The following DNMT3A variants were observed in gnomAD, a reference collection of about 807,000 sequenced individuals.
DNMT3A encodes the protein DNA methyltransferase 3 alpha.
A neutral mutation model predicts 117.6 loss-of-function variants in DNMT3A; 267 were observed. The ratio of observed to expected loss-of-function variants is 2.27; its 90% CI spans 2.05 to 2.51. The LOEUF is 2.51. DNMT3A is among the 30% of genes most tolerant of loss of function. The pLI is 0.00. For missense variants in DNMT3A, 1,029 were observed against 1,260.2 expected, an observed-to-expected ratio of 0.82 and a Z score of 2.78; for synonymous variants, 432 against 474.8, an observed-to-expected ratio of 0.91 and a Z score of 1.17.
At chr2:25,260,989 ACT>A (rs568582908) in intron 6 of DNMT3A, among the ~76,000 whole-genome samples, 28 of 151,748 alleles carry the variant, frequency 1.8e-4, no homozygotes, top group African/African-American at 2.4e-4. Flanking sequence ...ACAGAGCAAG[ACT>A]CTGTCTCAAA....
chr2:25,333,328 CTTT>C (rs1227757033), intron 1 of DNMT3A, among the ~76,000 whole-genome samples: 5 of 142,712 alleles, frequency 3.5e-5, no homozygotes, highest in Non-Finnish European at 6.2e-5. Flanking sequence ...ACTTGCAGGT[CTTT>C]TTTTTTTTTT....
At chr2:25,270,814 C>CT (rs2030816766) in intron 6 of DNMT3A, among the ~76,000 whole-genome samples, 1 of 152,146 alleles carries the variant, frequency 6.6e-6, no homozygotes, top group Non-Finnish European at 1.5e-5. Context: ...CAAAATGAGA[C>CT]TGAGAAAAGA....
chr2:25,252,428 G>C lies in DNMT3A; in HGVS notation c.640-4176C>G, dbSNP rs1050283038. 2.3e-6 allele frequency: 1 copy of C among 437,974 alleles called. No individual in the cohort carries two copies. The highest frequency in any genetic ancestry group is 4.0e-6 in the Non-Finnish European group (1 of 251,288). The allele number at this position is 437,974 out of a possible 1,614,324, so 27.1% of individuals were successfully genotyped here. A position where few individuals can be genotyped will look rare whatever the true frequency, so the allele number is the denominator to read the frequency against. On this transcript the variant is annotated intron_variant, in intron 6 of 22. Transcript: ENST00000321117. This position sits in a 1 kb window ranked among gnomAD's most constrained non-coding sequence, Gnocchi z 5.5. ...GGGCCTGGTTGGCTGCGAGCGGCCC[G>C]GGGAGGGGGCCGGCGCTCCGACGCT...
chr2:25,246,316 G>C lies in DNMT3A; in HGVS notation c.1280-7C>G, dbSNP rs151060791. ...TTGTAGGGATTCTTCTCTTCTGGAGGAGGAAAGCAGGTGCCAAGGTCAGTT... is the reference window on the plus strand; with the variant it reads ...TTGTAGGGATTCTTCTCTTCTGGAGCAGGAAAGCAGGTGCCAAGGTCAGTT... On this transcript the variant is annotated splice_polypyrimidine_tract_variant and splice_region_variant and intron_variant, in intron 10 of 22. Transcript: ENST00000321117. 6.3e-7 allele frequency: 1 copy of C among 1,593,156 alleles called. No individual in the cohort carries two copies. The highest frequency in any genetic ancestry group is 1.7e-5 in the Admixed American group (1 of 57,482).
chr2:25,337,405 GGCTGTAACGCACAT>G lies in DNMT3A; in HGVS notation c.-178+4407_-178+4420del, dbSNP rs2035254418. Among the ~76,000 whole-genome samples the G allele has an allele frequency of 6.6e-6, 1 of 152,162 alleles. No individual in the cohort carries two copies. The highest frequency in any genetic ancestry group is 2.1e-4 in the South Asian group (1 of 4,828). On this transcript the variant is annotated intron_variant, in intron 1 of 22. Coordinates refer to ENST00000321117, the MANE Select transcript of DNMT3A (RefSeq NM_022552.5). The surrounding 1 kb of genome is among the most constrained non-coding windows in gnomAD (Gnocchi z 5.0). ...AACAGGAGGGCTCCCGCTCCTCTAAGGCTGTAACGCACATGATCTCACTCCATCCTCACAACCAC... is the reference window on the plus strand; with the variant it reads ...AACAGGAGGGCTCCCGCTCCTCTAAGGATCTCACTCCATCCTCACAACCAC...
In DNMT3A at chr2:25,292,407, G is replaced by A. The variant is rs375090239; in HGVS notation, c.177+7732C>T. 1.6e-4 allele frequency among the ~76,000 whole-genome samples: 24 copies of A among 152,248 alleles called. 1 individual carries two copies. The highest frequency in any genetic ancestry group is 5.3e-4 in the African/African-American group (22 of 41,540). On this transcript the variant is annotated intron_variant, in intron 3 of 22. Transcript: ENST00000321117. ...CCATTACGTATGAGAGATCCCATAC[G>A]TTAAGTAAATCTCTTTTGAAGTTGC... is the stretch of plus-strand genomic sequence containing the variant.
At chr2:25,263,962 C>T (rs756894277) in intron 6 of DNMT3A, among the ~76,000 whole-genome samples, 1 of 152,162 alleles carries the variant, frequency 6.6e-6, no homozygotes, top group Admixed American at 6.5e-5. Flanking sequence ...ACAATTCATT[C>T]ATTTACCTAC....
At position 25,246,471 on chromosome 2, in the gene DNMT3A, C is replaced by T. The variant is rs1674785962; in HGVS notation, c.1279+149G>A. The T allele has an allele frequency of 2.5e-5, 36 of 1,429,108 alleles. 1 individual carries two copies. The South Asian group carries it at 5.0e-4, about 20-fold the overall frequency. The allele number at this position is 1,429,108 out of a possible 1,614,324, so 88.5% of individuals were successfully genotyped here. A position where few individuals can be genotyped will look rare whatever the true frequency, so the allele number is the denominator to read the frequency against. Reference sequence around the variant, plus strand: ...CCAACAGAGAGCAGGTCATTCAAGTCCTGACCCCAGGGCAAGAGAGACCCC... The same window carrying T: ...CCAACAGAGAGCAGGTCATTCAAGTTCTGACCCCAGGGCAAGAGAGACCCC... On this transcript the variant is annotated intron_variant, in intron 10 of 22. Coordinates refer to ENST00000321117, the MANE Select transcript of DNMT3A (RefSeq NM_022552.5).
At chr2:25,314,791 G>A in intron 1 of DNMT3A, 1 of 821,994 alleles carries the variant, frequency 1.2e-6, no homozygotes, top group Non-Finnish European at 1.5e-6. Flanking sequence ...GCAGGAGTGA[G>A]GCTGCTCTCT....
Position 25,249,723 on chromosome 2 carries a change from C to T in DNMT3A, c.640-1471G>A, listed in dbSNP as rs753723952. 4.3e-6 allele frequency: 7 copies of T among 1,614,210 alleles called. No homozygotes were observed. Among genetic ancestry groups the T allele is most frequent in the Non-Finnish European group, 5.9e-6 (7 of 1,180,042 alleles). Reference sequence around the variant, plus strand: ...TCCTTCTCACAACCCGCTCCAGGATCCCTACAAAGGAGAATGAAATCCTTG... The same window carrying T: ...TCCTTCTCACAACCCGCTCCAGGATTCCTACAAAGGAGAATGAAATCCTTG... On this transcript the variant is annotated intron_variant, in intron 6 of 22. Coordinates refer to ENST00000321117, the MANE Select transcript of DNMT3A (RefSeq NM_022552.5).
intron 4 of DNMT3A, among the ~76,000 whole-genome samples, chr2:25,279,971 A>G (rs2031764211): frequency 6.6e-6 from 1 of 152,142 alleles, no homozygotes; most frequent in African/African-American, 2.4e-5. Context: ...GATTACCAGC[A>G]TGAGCCACTG....
rs1318766643 is a variant in DNMT3A, at chr2:25,286,558, C to T, written c.178-3847G>A. Among the ~76,000 whole-genome samples the T allele has an allele frequency of 6.6e-6, 1 of 152,202 alleles. No individual in the cohort carries two copies. The highest frequency in any genetic ancestry group is 1.5e-5 in the Non-Finnish European group (1 of 68,032). ...AAGTTCTGGGATTTGGGGGGGAGGG[C>T]AATGACTTCTGCCACGCTCAACCCT... On this transcript the variant is annotated intron_variant, in intron 3 of 22. Coordinates refer to ENST00000321117, the MANE Select transcript of DNMT3A (RefSeq NM_022552.5). This position sits in a 1 kb window ranked among gnomAD's most constrained non-coding sequence, Gnocchi z 4.3.
Position 25,244,242 on chromosome 2 carries a change from G to C in DNMT3A, c.1764C>G (p.His588Gln). The change falls in exon 15 of 23, where the codon CAC (histidine) becomes CAG (glutamine). Residue 588 changes from histidine (H) to glutamine (Q), a missense_variant. Physicochemically the swap from His to Gln is conservative, Grantham distance 24. Transcript: ENST00000321117. ...GCCGCAGCAGCCCGTAGGTACCCTT[G>C]TGCCCGCACATGTAGCAGTTCCAGG... ...EDPWNCYMCG[H>Q]KGTYGLLRRR... The C allele has an allele frequency of 6.2e-7, 1 of 1,614,026 alleles. No homozygotes were observed. Among genetic ancestry groups the C allele is most frequent in the Non-Finnish European group, 8.5e-7 (1 of 1,180,024 alleles).
intron 12 of DNMT3A, 65 bp downstream of exon 12, chr2:25,245,955 A>C: frequency 1.9e-6 from 3 of 1,606,958 alleles, no homozygotes. Flanking sequence ...AACCTTCCTA[A>C]GTGCCTCTGC....
chr2:25,240,066 G>A (rs756912120), intron 19 of DNMT3A, among the ~76,000 whole-genome samples: 18 of 152,118 alleles, frequency 1.2e-4, no homozygotes, highest in Non-Finnish European at 1.9e-4. Context: ...CTTCAACCCC[G>A]GAGGTCCACA....
In DNMT3A at chr2:25,339,709, C is replaced by A. The variant is rs1034829160; in HGVS notation, c.-178+2117G>T. Among the ~76,000 whole-genome samples, 7 of 152,206 alleles carry A rather than the reference C, an allele frequency of 4.6e-5. No individual in the cohort carries two copies. The highest frequency in any genetic ancestry group is 1.0e-4 in the Non-Finnish European group (7 of 68,024). ...AACCCAGCAGGAACTCCCTACAACC[C>A]AACTCTCCAAAGGCAGGCAGCTCAG... On this transcript the variant is annotated intron_variant, in intron 1 of 22. Coordinates refer to ENST00000321117, the MANE Select transcript of DNMT3A (RefSeq NM_022552.5). The surrounding 1 kb of genome is among the most constrained non-coding windows in gnomAD (Gnocchi z 4.9).
Position 25,239,181 on chromosome 2 carries a change from GAC to G in DNMT3A, c.2355_2356del (p.Ala787CysfsTer10). On this transcript the variant is annotated frameshift_variant, in exon 20 of 23. Coordinates refer to ENST00000321117, the MANE Select transcript of DNMT3A (RefSeq NM_022552.5). LOFTEE classifies it high-confidence loss of function. ...GAAGTAGCGGGCCCTGTGTGCAGCT[GAC>G]ACTTCTTTGGCATCAATCATCACAG... is the stretch of plus-strand genomic sequence containing the variant. 1 of 1,614,100 alleles carries G rather than the reference GAC, an allele frequency of 6.2e-7. No homozygotes were observed. The highest frequency in any genetic ancestry group is 8.5e-7 in the Non-Finnish European group (1 of 1,179,974).
intron 5 of DNMT3A, 102 bp from the exon 6 acceptor site, chr2:25,275,189 G>A: frequency 7.0e-7 from 1 of 1,425,586 alleles, no homozygotes; most frequent in Non-Finnish European, 9.3e-7. Context: ...CTCCTGGCCA[G>A]AGAGGGCACC....
At chr2:25,318,228 G>C (rs1169457384) in intron 1 of DNMT3A, among the ~76,000 whole-genome samples, 1 of 152,192 alleles carries the variant, frequency 6.6e-6, no homozygotes, top group African/African-American at 2.4e-5. Flanking sequence ...AGCCTATGTA[G>C]ACTTGAAAAC....
Sources: allele counts gnomAD v4.1 joint callset (sites outside exome capture counted in the v4.1 genomes callset), GRCh38; gene constraint gnomAD v4.1.1; non-coding constraint Gnocchi (gnomAD v3.1); transcripts MANE v1.5; gene names NCBI Gene and HGNC (gene_info 2026-07-23, HGNC 2026-07-21).